COMMD1: variants seen among roughly 807,000 people sequenced by gnomAD.
COMMD1 encodes copper metabolism domain containing 1.
A neutral mutation model predicts 17.2 loss-of-function variants in COMMD1; 10 were observed. That is an observed-to-expected ratio of 0.58 (90% confidence interval 0.36 to 0.99). The LOEUF is 0.99. Ranked by LOEUF, COMMD1 falls within the 50% of genes least tolerant of loss-of-function variation. COMMD1 has a pLI of 0.01. For missense variants in COMMD1, 270 were observed against 231.8 expected (o/e 1.17, Z -1.07); for synonymous variants, 97 against 91.6 (o/e 1.06, Z -0.34).
chr2:61,975,668 C>G (rs1296887507), intron 1 of COMMD1, among the ~76,000 whole-genome samples: 1 of 152,220 alleles, frequency 6.6e-6, no homozygotes, highest in African/African-American at 2.4e-5. Context: ...TTCATTAAAA[C>G]ATTTAAATTA....
chr2:62,118,605 C>G (rs1201385016), intron 2 of COMMD1, among the ~76,000 whole-genome samples: 1 of 152,204 alleles, frequency 6.6e-6, no homozygotes. Context: ...TGGGATATAG[C>G]ATGGCAGGCA....
intron 1 of COMMD1, among the ~76,000 whole-genome samples, chr2:61,897,053 C>T (rs933770426): frequency 6.6e-6 from 1 of 152,220 alleles, no homozygotes; most frequent in Non-Finnish European, 1.5e-5. Flanking sequence ...TGGTCTCGAA[C>T]TCCTGACCTC....
chr2:61,991,892 TC>T (rs1415990284), intron 1 of COMMD1, among the ~76,000 whole-genome samples: 1 of 152,198 alleles, frequency 6.6e-6, no homozygotes, highest in Non-Finnish European at 1.5e-5. Flanking sequence ...GCCCAGTGTT[TC>T]TTTTTTTGTA....
intron 1 of COMMD1, among the ~76,000 whole-genome samples, chr2:61,921,506 C>T (rs559525135): frequency 2.0e-5 from 3 of 152,012 alleles, no homozygotes; most frequent in Non-Finnish European, 4.4e-5. Context: ...TGCAGTGGCA[C>T]GATTTCTGCT....
At chr2:62,027,813 A>C (rs1354912892) in intron 2 of COMMD1, among the ~76,000 whole-genome samples, 1 of 152,052 alleles carries the variant, frequency 6.6e-6, no homozygotes, top group Middle Eastern at 3.2e-3. Context: ...AGCTGGGACT[A>C]AGCACACTTG....
upstream of COMMD1, chr2:61,888,689 C>G: frequency 1.5e-6 from 1 of 656,552 alleles, no homozygotes; most frequent in Non-Finnish European, 2.5e-6. Flanking sequence ...GCTGGCGTGA[C>G]GTAGGAGGCT....
chr2:62,105,080 G>A (rs184749870), intron 2 of COMMD1, among the ~76,000 whole-genome samples: 1 of 149,250 alleles, frequency 6.7e-6, no homozygotes, highest in Non-Finnish European at 1.5e-5. Flanking sequence ...AGCTGAGATC[G>A]CACCATTGCA....
At chr2:61,928,131 A>G (rs1278567465) in intron 1 of COMMD1, among the ~76,000 whole-genome samples, 2 of 152,028 alleles carry the variant, frequency 1.3e-5, no homozygotes, top group African/African-American at 4.8e-5. Context: ...CAAATTATAT[A>G]AAAAGTAAGC....
chr2:61,979,259 A>T (rs989665042), intron 1 of COMMD1, among the ~76,000 whole-genome samples: 1 of 152,116 alleles, frequency 6.6e-6, no homozygotes, highest in African/African-American at 2.4e-5. Context: ...CGGGTGGATC[A>T]CGAGGTCAGG....
At chr2:61,921,364 C>T (rs1392533538) in intron 1 of COMMD1, among the ~76,000 whole-genome samples, 2 of 152,282 alleles carry the variant, frequency 1.3e-5, no homozygotes, top group Non-Finnish European at 1.5e-5. Context: ...TAGTCATTTA[C>T]AGAAATATTG....
intron 1 of COMMD1, among the ~76,000 whole-genome samples, chr2:61,959,038 C>T (rs929028116): frequency 6.6e-6 from 1 of 151,946 alleles, no homozygotes; most frequent in Non-Finnish European, 1.5e-5. Context: ...ACTCATTGTA[C>T]TAGTTTTACT....
chr2:62,004,322 A>G (rs1206537861), intron 2 of COMMD1, among the ~76,000 whole-genome samples: 4 of 152,092 alleles, frequency 2.6e-5, no homozygotes, highest in Non-Finnish European at 5.9e-5. Flanking sequence ...GTTTTTTGAG[A>G]TGGAGTCTCA....
rs1226011679 is a variant in COMMD1 at position 62,000,786 on chromosome 2, A to AC, written c.268dup (p.Gln90ProfsTer18). 1 of 1,614,004 alleles carries AC rather than the reference A, an allele frequency of 6.2e-7. No homozygotes were observed. Among genetic ancestry groups the AC allele is most frequent in the East Asian group, 2.2e-5 (1 of 44,890 alleles). ...AAAAAGCAAGGTGGGATCACATCTG[A>AC]CCAAGCTGCTGTCATTTCCAAATTC... On this transcript the variant is annotated frameshift_variant, in exon 2 of 3. Coordinates refer to ENST00000311832, the MANE Select transcript of COMMD1 (RefSeq NM_152516.4). LOFTEE classifies it high-confidence loss of function.
intron 2 of COMMD1, among the ~76,000 whole-genome samples, chr2:62,105,543 G>T (rs1672306559): frequency 6.6e-6 from 1 of 152,266 alleles, no homozygotes; most frequent in Non-Finnish European, 1.5e-5. Flanking sequence ...ACCAGATTGG[G>T]CTGGGTGCGG....
rs1670871727 is a variant in COMMD1, at chr2:62,061,963, T to G, written c.462+60981T>G. Among the ~76,000 whole-genome samples the G allele has an allele frequency of 2.1e-5, 3 of 144,216 alleles. No individual in the cohort carries two copies. The Admixed American group carries it at 2.1e-4, about 10-fold the overall frequency. 94.6% of individuals were successfully genotyped at this position (144,216 alleles called of 152,430 possible). A position where few individuals can be genotyped will look rare whatever the true frequency, so the allele number is the denominator to read the frequency against. ...GTTTCACCCAAGGGAAGAAGTGAAA[T>G]TAGTGAATAGACAGTTACAGCAAAA... On this transcript the variant is annotated intron_variant, in intron 2 of 2. Transcript: ENST00000311832.
At chr2:62,121,624 G>A (rs1672749541) in intron 2 of COMMD1, among the ~76,000 whole-genome samples, 1 of 151,524 alleles carries the variant, frequency 6.6e-6, no homozygotes, top group Non-Finnish European at 1.5e-5. Context: ...TGTAATCCCA[G>A]CTACTTGGGA....
In COMMD1 at chr2:62,068,540, G is replaced by T. The variant is rs139916642; in HGVS notation, c.463-67291G>T. Among the ~76,000 whole-genome samples, 1,265 of 151,160 alleles carry T rather than the reference G, an allele frequency of 8.4e-3. 12 individuals carry two copies. The highest frequency in any genetic ancestry group is 0.029 in the African/African-American group (1,185 of 41,286). On this transcript the variant is annotated intron_variant, in intron 2 of 2. Transcript: ENST00000311832. ...ACTGCTGAAAGTTACTACAAGGATA[G>T]TAGTTACCTCTAAGGATAAGATTGG... is the stretch of plus-strand genomic sequence containing the variant.
intron 2 of COMMD1, among the ~76,000 whole-genome samples, chr2:62,122,303 A>G (rs976707307): frequency 6.6e-6 from 1 of 152,192 alleles, no homozygotes; most frequent in African/African-American, 2.4e-5. Flanking sequence ...TACCCTGTTC[A>G]ATGTTTACCA....
intron 2 of COMMD1, among the ~76,000 whole-genome samples, chr2:62,059,413 C>A (rs1192449036): frequency 1.3e-5 from 2 of 152,186 alleles, no homozygotes; most frequent in African/African-American, 4.8e-5. Flanking sequence ...ACCTTGGCCT[C>A]CCAAGGTGCT....
Sources: gnomAD v4.1 joint callset for allele counts (sites outside exome capture counted in the v4.1 genomes callset) on GRCh38, gnomAD v4.1.1 for gene constraint, MANE v1.5 for transcripts, NCBI Gene and HGNC (gene_info 2026-07-23, HGNC 2026-07-21) for gene names.